Variants in HELZ observed in about 807,000 individuals in gnomAD.
The protein encoded by HELZ is helicase with zinc finger, also known as ATP-dependent RNA helicase with zinc finger domain.
Under a neutral mutation model 218.2 loss-of-function variants are expected in HELZ, and 23 were observed. That is an observed-to-expected ratio of 0.11 (90% confidence interval 0.08 to 0.15). HELZ has a LOEUF of 0.15. Among genes scored for constraint, HELZ ranks in the 10% least tolerant of loss-of-function variants. HELZ has a pLI of 1.00. For missense variants in HELZ, 1,813 were observed against 2,353.7 expected (o/e 0.77, Z 4.75); for synonymous variants, 814 against 829.4 (o/e 0.98, Z 0.32).
intron 31 of HELZ, among the ~76,000 whole-genome samples, chr17:67,097,724 T>TC (rs2036793498): frequency 6.6e-6 from 1 of 152,146 alleles, no homozygotes; most frequent in Non-Finnish European, 1.5e-5. Context: ...AATTAACAAT[T>TC]ATAGAGCACA....
intron 3 of HELZ, among the ~76,000 whole-genome samples, chr17:67,231,981 A>T (rs1427983242): frequency 1.5e-5 from 2 of 134,136 alleles, no homozygotes; most frequent in African/African-American, 2.8e-5. Context: ...TGAACTCGGG[A>T]GGGGGAAGTT....
intron 13 of HELZ, among the ~76,000 whole-genome samples, chr17:67,170,826 CAAA>C (rs71368805): frequency 4.2e-5 from 5 of 119,294 alleles, no homozygotes; most frequent in Admixed American, 8.1e-5. Flanking sequence ...GACTCCATCT[CAAA>C]AAAAAAAAAA....
intron 3 of HELZ, among the ~76,000 whole-genome samples, chr17:67,221,265 CCT>C (rs1216166653): frequency 6.6e-6 from 1 of 152,136 alleles, no homozygotes; most frequent in African/African-American, 2.4e-5. Flanking sequence ...TAGCACGTCC[CCT>C]GACTTGTGAC....
At chr17:67,116,872 T>G (rs2037443237) in intron 27 of HELZ, among the ~76,000 whole-genome samples, 1 of 152,202 alleles carries the variant, frequency 6.6e-6, no homozygotes, top group Admixed American at 6.5e-5. Flanking sequence ...TTTTCTTTTT[T>G]CAAACAGAGT....
chr17:67,120,777 T>C (rs1377117720), intron 26 of HELZ, among the ~76,000 whole-genome samples, 165 bp from the exon 27 acceptor site: 1 of 152,222 alleles, frequency 6.6e-6, no homozygotes, highest in Non-Finnish European at 1.5e-5. Flanking sequence ...ATGCTAATAC[T>C]AACAATTGTG....
intron 4 of HELZ, among the ~76,000 whole-genome samples, chr17:67,217,867 C>A (rs978462694): frequency 1.3e-4 from 19 of 151,846 alleles, no homozygotes; most frequent in African/African-American, 4.4e-4. Context: ...CTCCTTTTTT[C>A]ATGCGGTTAC....
chr17:67,165,660 A>G (rs2039121144), intron 15 of HELZ, among the ~76,000 whole-genome samples: 2 of 152,236 alleles, frequency 1.3e-5, no homozygotes, highest in African/African-American at 4.8e-5. Context: ...TACAGCTCTC[A>G]CTGTCATCCA....
chr17:67,209,448 ATT>A (rs1241194502), intron 5 of HELZ, among the ~76,000 whole-genome samples: 2 of 152,072 alleles, frequency 1.3e-5, no homozygotes, highest in Non-Finnish European at 2.9e-5. Context: ...AAATACAAAA[ATT>A]AGCCGGGAAT....
At chr17:67,237,556 T>C (rs2041216254) in intron 3 of HELZ, among the ~76,000 whole-genome samples, 1 of 152,026 alleles carries the variant, frequency 6.6e-6, no homozygotes, top group African/African-American at 2.4e-5. Context: ...AAGCAAAATG[T>C]AGATAGATTT....
chr17:67,194,808 C>T (rs546977413), intron 8 of HELZ, among the ~76,000 whole-genome samples: 12 of 152,276 alleles, frequency 7.9e-5, no homozygotes, highest in African/African-American at 2.9e-4. Context: ...GATATTCAGC[C>T]AGGTTGAGTT....
intron 5 of HELZ, among the ~76,000 whole-genome samples, chr17:67,215,221 G>A (rs942212131): frequency 5.3e-5 from 8 of 152,034 alleles, no homozygotes; most frequent in Admixed American, 3.3e-4. Flanking sequence ...AAGATCTTCT[G>A]ATCAAGAAGG....
intron 3 of HELZ, among the ~76,000 whole-genome samples, chr17:67,219,261 T>C (rs868425865): frequency 4.6e-5 from 7 of 152,162 alleles, no homozygotes; most frequent in South Asian, 4.1e-4. Flanking sequence ...CCAAAATCTA[T>C]ACCATGCAGG....
At chr17:67,184,692 G>A (rs937352361) in intron 12 of HELZ, among the ~76,000 whole-genome samples, 2 of 151,886 alleles carry the variant, frequency 1.3e-5, no homozygotes, top group East Asian at 3.9e-4. Flanking sequence ...GGTGTGCACT[G>A]ATAGTCTCAA....
intron 5 of HELZ, 173 bp downstream of exon 5, chr17:67,215,726 T>C (rs2040582621): frequency 1.6e-6 from 1 of 634,624 alleles, no homozygotes; most frequent in Non-Finnish European, 2.9e-6. Context: ...GTAAGAGCAA[T>C]GTTCACAGGT....
chr17:67,144,722 T>A (rs1247631958), intron 21 of HELZ, among the ~76,000 whole-genome samples: 1 of 152,048 alleles, frequency 6.6e-6, no homozygotes, highest in Non-Finnish European at 1.5e-5. Context: ...CAGGCCCTGG[T>A]TGCCACTTCC....
intron 12 of HELZ, among the ~76,000 whole-genome samples, chr17:67,182,687 G>C (rs1005937410): frequency 1.3e-5 from 2 of 152,156 alleles, no homozygotes; most frequent in African/African-American, 4.8e-5. Flanking sequence ...ATCTTTTGAA[G>C]ATAACAGTCT....
chr17:67,185,312 A>G (rs553733463), intron 12 of HELZ, among the ~76,000 whole-genome samples: 17 of 152,242 alleles, frequency 1.1e-4, no homozygotes, highest in Non-Finnish European at 2.5e-4. Flanking sequence ...TGATAATCAA[A>G]AACACTAACT....
chr17:67,229,003 C>T (rs1039238503), intron 3 of HELZ, among the ~76,000 whole-genome samples: 10 of 152,070 alleles, frequency 6.6e-5, no homozygotes, highest in Admixed American at 4.6e-4. Context: ...CAGGCATGAG[C>T]CACTGCACCC....
In HELZ at chr17:67,120,632, A is replaced by C. The variant is rs1461534954; in HGVS notation, c.3631-20T>G. On this transcript the variant is annotated intron_variant, in intron 26 of 32. Transcript: ENST00000358691. Reference sequence around the variant, plus strand: ...TGGTACCTAGGTTATTAAAAAATAAAATACATGCATTAAGTATATTTTGGA... The same window carrying C: ...TGGTACCTAGGTTATTAAAAAATAACATACATGCATTAAGTATATTTTGGA... 1 of 1,566,168 alleles carries C rather than the reference A, an allele frequency of 6.4e-7. No homozygotes were observed. Among genetic ancestry groups the C allele is most frequent in the Admixed American group, 1.7e-5 (1 of 59,928 alleles).
Sources: gnomAD v4.1 joint callset for allele counts (sites outside exome capture counted in the v4.1 genomes callset) on GRCh38, gnomAD v4.1.1 for gene constraint, MANE v1.5 for transcripts, NCBI Gene and HGNC (gene_info 2026-07-23, HGNC 2026-07-21) for gene names.